PRRC2A: variants seen among roughly 807,000 people sequenced by gnomAD.
The protein encoded by PRRC2A is proline rich coiled-coil 2A.
PRRC2A carries 59 observed loss-of-function variants against 224.6 expected under a neutral mutation model. That is an observed-to-expected ratio of 0.26 (90% confidence interval 0.21 to 0.33). The LOEUF is 0.33. Ranked by LOEUF, PRRC2A falls within the 10% of genes least tolerant of loss-of-function variation. The pLI is 1.00. For missense variants in PRRC2A, 3,095 were observed against 2,880.7 expected, an observed-to-expected ratio of 1.07 and a Z score of -1.70; for synonymous variants, 1,194 against 1,109.5, an observed-to-expected ratio of 1.08 and a Z score of -1.51.
chr6:31,636,855 C>G lies in PRRC2A; in HGVS notation c.6057C>G (p.Pro2019=), dbSNP rs768142388. 8.7e-6 allele frequency: 14 copies of G among 1,612,738 alleles called. No individual in the cohort carries two copies. Among genetic ancestry groups the G allele is most frequent in the Admixed American group, 3.3e-5 (2 of 60,006 alleles). Residue 2019 remains proline (P), a synonymous_variant, in exon 28 of 31, where the codon CCC becomes CCG. Coordinates refer to ENST00000376033, the MANE Select transcript of PRRC2A (RefSeq NM_004638.4). The surrounding 1 kb of genome is among the most constrained non-coding windows in gnomAD (Gnocchi z 4.3). ...CTGTGGGCCCTGCTCTGCAGCCCCC[C>G]AGCCTGGCTGTGCGGCCCCCACCTG... is the stretch of plus-strand genomic sequence containing the variant. ...LLPVGPALQP[P]SLAVRPPPAP... is the part of the protein sequence containing the mutation.
chr6:31,629,162 C>T lies in PRRC2A; in HGVS notation c.1784C>T (p.Ser595Leu), dbSNP rs1776250014. The T allele has an allele frequency of 1.2e-6, 2 of 1,613,980 alleles. No individual in the cohort carries two copies. Among genetic ancestry groups the T allele is most frequent in the African/African-American group, 1.3e-5 (1 of 74,900 alleles). The change falls in exon 13 of 31, where the codon TCA (serine) becomes TTA (leucine). Residue 595 changes from serine (S) to leucine (L), a missense_variant. Physicochemically the swap from Ser to Leu is moderately radical, Grantham distance 145. Coordinates refer to ENST00000376033, the MANE Select transcript of PRRC2A (RefSeq NM_004638.4). ...GATGCAGTGGAACCACAACTGCCCT[C>T]AAAAGAGGGTCCTGAACCACCAGAA... ...EASPVEPQLP[S>L]KEGPEPPEEV... is the part of the protein sequence containing the mutation.
In PRRC2A at chr6:31,622,815, C is replaced by G; in HGVS notation, c.26C>G (p.Ala9Gly). ...ATGTCCGATCGCTCGGGGCCGACTG[C>G]CAAGGGAAAGGATGGAAAGAAGTAT... MSDRSGPT[A>G]KGKDGKKYSS... Residue 9 changes from alanine to glycine, a missense_variant, in exon 2 of 31, where the codon GCC (alanine) becomes GGC (glycine). By Grantham distance (60) the Ala-to-Gly change is moderately conservative (BLOSUM62 0). Transcript: ENST00000376033. The G allele has an allele frequency of 6.2e-7, 1 of 1,613,994 alleles. No homozygotes were observed. Among genetic ancestry groups the G allele is most frequent in the Non-Finnish European group, 8.5e-7 (1 of 1,180,004 alleles).
At chr6:31,624,128 G>A (rs1249329628) in intron 3 of PRRC2A, 133 bp from the exon 4 acceptor site, 2 of 1,129,852 alleles carry the variant, frequency 1.8e-6, no homozygotes, top group Non-Finnish European at 1.3e-6. Flanking sequence ...GCCTACAAAG[G>A]ATGACAAAAT....
Position 31,636,900 on chromosome 6 carries a change from G to C in PRRC2A, c.6102G>C (p.Leu2034=). 1 of 1,612,994 alleles carries C rather than the reference G, an allele frequency of 6.2e-7. No homozygotes were observed. The highest frequency in any genetic ancestry group is 8.5e-7 in the Non-Finnish European group (1 of 1,180,000). ...CACCTGCTCCTGCTACTCGGGTGCT[G>C]CCTTCACCTGCCAGGCCCTTCCCCG... The part of the protein sequence containing the change: ...RPPPAPATRV[L]PSPARPFPAS... Residue 2034 remains leucine, a synonymous_variant, in exon 28 of 31, where the codon CTG becomes CTC. Transcript: ENST00000376033. This position sits in a 1 kb window ranked among gnomAD's most constrained non-coding sequence, Gnocchi z 4.3.
rs550738539 is a variant in PRRC2A at position 31,632,122 on chromosome 6, C to T, written c.3449C>T (p.Pro1150Leu). Residue 1150 changes from proline (P) to leucine (L), a missense_variant, in exon 16 of 31, where the codon CCA (proline) becomes CTA (leucine). Physicochemically the swap from Pro to Leu is moderately conservative, Grantham distance 98 (BLOSUM62 -3). Coordinates refer to ENST00000376033, the MANE Select transcript of PRRC2A (RefSeq NM_004638.4). ...CCAGGAGCCCCACCTTCACCAGCCC[C>T]AGCCCGCTTCACTGCCCGGGGTGGG... ...PPPGAPPSPA[P>L]ARFTARGGRV... 1 of 1,556,964 alleles carries T rather than the reference C, an allele frequency of 6.4e-7. No individual in the cohort carries two copies. The highest frequency in any genetic ancestry group is 8.7e-7 in the Non-Finnish European group (1 of 1,151,410).
In PRRC2A at chr6:31,627,653, A is replaced by G; in HGVS notation, c.1291-112A>G. 7.3e-7 allele frequency: 1 copy of G among 1,367,510 alleles called. No homozygotes were observed. The highest frequency in any genetic ancestry group is 9.8e-7 in the Non-Finnish European group (1 of 1,016,952). The allele number at this position is 1,367,510 out of a possible 1,614,324, so 84.7% of individuals were successfully genotyped here. A position where few individuals can be genotyped will look rare whatever the true frequency, so the allele number is the denominator to read the frequency against. On this transcript the variant is annotated intron_variant, in intron 11 of 30. Transcript: ENST00000376033. This position sits in a 1 kb window ranked among gnomAD's most constrained non-coding sequence, Gnocchi z 5.6. ...TCACCACCCAGAGAGATCAACCCCA[A>G]AGCCTGGGTCGTTGCATCCTGCAAG...
Position 31,627,212 on chromosome 6 carries a change from A to G in PRRC2A, c.1290+14A>G, listed in dbSNP as rs779821734. 1.9e-6 allele frequency: 3 copies of G among 1,548,608 alleles called. No individual in the cohort carries two copies. The highest frequency in any genetic ancestry group is 2.7e-6 in the Non-Finnish European group (3 of 1,124,824). On this transcript the variant is annotated intron_variant, in intron 11 of 30. Transcript: ENST00000376033. The surrounding 1 kb of genome is among the most constrained non-coding windows in gnomAD (Gnocchi z 5.6). ...GGGGACTACCCAGTGAGTGTCTCCA[A>G]TAAGGGATTGAGAGGGTCAGCTGTG...
rs748243554 is a variant in PRRC2A, at chr6:31,625,266, G to C, written c.559G>C (p.Glu187Gln). 1 of 1,613,346 alleles carries C rather than the reference G, an allele frequency of 6.2e-7. No individual in the cohort carries two copies. The highest frequency in any genetic ancestry group is 1.7e-5 in the Admixed American group (1 of 60,030). The stretch of plus-strand genomic sequence containing the variant: ...CCAGGACAAGGCTGCCAAGGAAAGG[G>C]AGTCTGCCGAACAGTCGTCTGGGCC... ...GDQDKAAKER[E>Q]SAEQSSGPGP... is the part of the protein sequence containing the mutation. The change falls in exon 6 of 31, where the codon GAG becomes CAG. Residue 187 changes from glutamate (E) to glutamine (Q), a missense_variant. Around this residue, in one of 8 missense-constraint regions of PRRC2A, gnomAD observed 287 missense variants for 275.3 expected, o/e 1.04. Coordinates refer to ENST00000376033, the MANE Select transcript of PRRC2A (RefSeq NM_004638.4). The surrounding 1 kb of genome is among the most constrained non-coding windows in gnomAD (Gnocchi z 4.1).
chr6:31,630,700 G>C lies in PRRC2A; in HGVS notation c.2364G>C (p.Lys788Asn). 6.2e-7 allele frequency: 1 copy of C among 1,614,150 alleles called. No individual in the cohort carries two copies. The highest frequency in any genetic ancestry group is 8.5e-7 in the Non-Finnish European group (1 of 1,180,028). ...GGGGCACTCCACCGGTGGATCCAAA[G>C]TTGGCCTGGGTAGGAGATGTCTTCA... ...RERGTPPVDPKLAWVGDVFTA... is the reference protein window; with the variant it reads ...RERGTPPVDPNLAWVGDVFTA... The change falls in exon 15 of 31, where the codon AAG (lysine) becomes AAC (asparagine). Residue 788 changes from lysine to asparagine, a missense_variant. This residue lies in a region of PRRC2A where 2,001 missense variants were observed against 1,764.9 expected (regional missense o/e 1.13). Transcript: ENST00000376033.
Position 31,625,974 on chromosome 6 carries a change from TGTG to T in PRRC2A, c.840-43_840-41del. 6.2e-7 allele frequency: 1 copy of T among 1,605,742 alleles called. No individual in the cohort carries two copies. Among genetic ancestry groups the T allele is most frequent in the Non-Finnish European group, 8.5e-7 (1 of 1,175,514 alleles). On this transcript the variant is annotated intron_variant, in intron 8 of 30. Transcript: ENST00000376033. The surrounding 1 kb of genome is among the most constrained non-coding windows in gnomAD (Gnocchi z 4.1). ...GGCTCAGTCTAGGATCAGTCTCGCA[TGTG>T]GTTATACAACATGCCATATTTCATT...
chr6:31,625,669 C>G lies in PRRC2A; in HGVS notation c.759+58C>G. 6.2e-7 allele frequency: 1 copy of G among 1,602,870 alleles called. No individual in the cohort carries two copies. Among genetic ancestry groups the G allele is most frequent in the Non-Finnish European group, 8.5e-7 (1 of 1,170,726 alleles). On this transcript the variant is annotated intron_variant, in intron 7 of 30. Transcript: ENST00000376033. The surrounding 1 kb of genome is among the most constrained non-coding windows in gnomAD (Gnocchi z 4.1). ...CACTGGAAGCTGGAGAGCTAGGAAT[C>G]AGGACTTAGTCTTTGACCTATGAGA...
Position 31,628,131 on chromosome 6 carries a change from C to T in PRRC2A, c.1657C>T (p.Pro553Ser), listed in dbSNP as rs1288842828. The T allele has an allele frequency of 6.2e-6, 10 of 1,613,018 alleles. No homozygotes were observed. Among genetic ancestry groups the T allele is most frequent in the African/African-American group, 5.3e-5 (4 of 74,916 alleles). Residue 553 changes from proline (P) to serine (S), a missense_variant, in exon 12 of 31, where the codon CCT (proline) becomes TCT (serine). Physicochemically the swap from Pro to Ser is moderately conservative, Grantham distance 74. Coordinates refer to ENST00000376033, the MANE Select transcript of PRRC2A (RefSeq NM_004638.4). ...ETEPEEPAQA[P>S]PAQSTPTPGV... The stretch of plus-strand genomic sequence containing the variant: ...AGAACCTGAAGAGCCAGCACAGGCC[C>T]CTCCTGCCCAATCTACTCCTACTCC...
chr6:31,635,400 G>A lies in PRRC2A; in HGVS notation c.5308G>A (p.Asp1770Asn). Residue 1770 changes from aspartate to asparagine, a missense_variant, in exon 23 of 31, where the codon GAC (aspartate) becomes AAC (asparagine). By Grantham distance (23) the Asp-to-Asn change is conservative. Coordinates refer to ENST00000376033, the MANE Select transcript of PRRC2A (RefSeq NM_004638.4). ...TGCCTTCTTGTGATCACAGGACTCA[G>A]ACTTACGCCTAGTGGTAGGAGACAG... The part of the protein sequence containing the change: ...VQFGTSDKDS[D>N]LRLVVGDSLK... The A allele has an allele frequency of 6.2e-7, 1 of 1,614,262 alleles. No homozygotes were observed. The highest frequency in any genetic ancestry group is 1.1e-5 in the South Asian group (1 of 91,090).
Position 31,632,296 on chromosome 6 carries a change from C to T in PRRC2A, c.3623C>T (p.Pro1208Leu), listed in dbSNP as rs892958337. The T allele has an allele frequency of 2.5e-6, 4 of 1,613,158 alleles. No individual in the cohort carries two copies. In the East Asian group the frequency reaches 6.7e-5, roughly 27 times the overall value. The change falls in exon 16 of 31, where the codon CCT (proline) becomes CTT (leucine). Residue 1208 changes from proline to leucine, a missense_variant. By Grantham distance (98) the Pro-to-Leu change is moderately conservative (BLOSUM62 -3). This residue lies in a region of PRRC2A where 2,001 missense variants were observed against 1,764.9 expected (regional missense o/e 1.13). Transcript: ENST00000376033. Reference protein sequence around the residue: ...PTGPLPPSKEPLKEKLIPGPL... With the variant: ...PTGPLPPSKELLKEKLIPGPL... Reference sequence around the variant, plus strand: ...GGCCCTTTGCCACCAAGTAAGGAGCCTTTGAAAGAGAAGTTGATCCCAGGG... The same window carrying T: ...GGCCCTTTGCCACCAAGTAAGGAGCTTTTGAAAGAGAAGTTGATCCCAGGG...
chr6:31,634,571 G>A lies in PRRC2A; in HGVS notation c.4935+14G>A. 6.2e-7 allele frequency: 1 copy of A among 1,608,844 alleles called. No individual in the cohort carries two copies. Among genetic ancestry groups the A allele is most frequent in the Non-Finnish European group, 8.5e-7 (1 of 1,178,074 alleles). ...GCTGGCACAGAAGTGAGTGAGGGTG[G>A]GAGGGTGTGTCTGAGCTGGGACTTT... On this transcript the variant is annotated intron_variant, in intron 20 of 30. Coordinates refer to ENST00000376033, the MANE Select transcript of PRRC2A (RefSeq NM_004638.4).
chr6:31,635,057 C>T (rs1777160972), intron 21 of PRRC2A, 75 bp from the exon 22 acceptor site: 25 of 1,598,266 alleles, frequency 1.6e-5, no homozygotes, highest in South Asian at 1.0e-4. Flanking sequence ...TTTCTCTCTG[C>T]GTGTGTGTTC....
chr6:31,635,176 A>G lies in PRRC2A; in HGVS notation c.5205A>G (p.Thr1735=). 6.2e-7 allele frequency: 1 copy of G among 1,612,878 alleles called. No homozygotes were observed. Among genetic ancestry groups the G allele is most frequent in the South Asian group, 1.1e-5 (1 of 91,052 alleles). ...EQPLPPGPIG[T]ERSQRTDRGT... ...CTCTGCCCCCTGGCCCCATTGGCAC[A>G]GAACGATCACAGCGTACAGACCGAG... The change falls in exon 22 of 31, where the codon ACA becomes ACG. Residue 1735 remains threonine, a synonymous_variant. Coordinates refer to ENST00000376033, the MANE Select transcript of PRRC2A (RefSeq NM_004638.4).
At position 31,622,682 on chromosome 6, in the gene PRRC2A, C is replaced by G; in HGVS notation, c.-100-8C>G. ...GGAGTTTTTAAGTTTCTGTTATGGT[C>G]TGTACAGGGGACAGAGACTGAGACA... On this transcript the variant is annotated splice_region_variant and splice_polypyrimidine_tract_variant and intron_variant, in intron 1 of 30. Transcript: ENST00000376033. 1.3e-6 allele frequency: 1 copy of G among 762,012 alleles called. No homozygotes were observed. Among genetic ancestry groups the G allele is most frequent in the Non-Finnish European group, 2.2e-6 (1 of 445,474 alleles). The allele number at this position is 762,012 out of a possible 1,614,324, so 47.2% of individuals were successfully genotyped here.
Position 31,636,091 on chromosome 6 carries a change from G to A in PRRC2A, c.5624+42G>A. 2 of 1,580,102 alleles carry A rather than the reference G, an allele frequency of 1.3e-6. No individual in the cohort carries two copies. The highest frequency in any genetic ancestry group is 8.7e-7 in the Non-Finnish European group (1 of 1,149,582). On this transcript the variant is annotated intron_variant, in intron 25 of 30. Coordinates refer to ENST00000376033, the MANE Select transcript of PRRC2A (RefSeq NM_004638.4). The surrounding 1 kb of genome is among the most constrained non-coding windows in gnomAD (Gnocchi z 4.3). ...GTGGATCACAGAAGTACTTGGAGAT[G>A]TGTTTCGGGGAGAGGGAAGGGGAAG...
Sources: gnomAD v4.1 joint callset for allele counts on GRCh38, gnomAD v4.1.1 for gene constraint, gnomAD v4.1.1 regional missense constraint, Gnocchi (gnomAD v3.1) non-coding constraint, MANE v1.5 for transcripts, NCBI Gene and HGNC (gene_info 2026-07-23, HGNC 2026-07-21) for gene names.